Variants in FOCAD observed in about 807,000 individuals in gnomAD.
The protein encoded by FOCAD is KIAA1797.
In FOCAD, 198 loss-of-function variants were observed where a neutral mutation model predicts 225.6. That is an observed-to-expected ratio of 0.88 (90% CI 0.78 to 0.99). The LOEUF is 0.99. FOCAD is among the 50% of genes least tolerant of loss of function. The pLI, the probability that FOCAD is intolerant of heterozygous loss-of-function variation, is 0.00. For synonymous variants in FOCAD, 897 were observed against 755.0 expected, an observed-to-expected ratio of 1.19 and a Z score of -3.08; for missense variants, 2,713 against 2,123.6, an observed-to-expected ratio of 1.28 and a Z score of -5.46.
intron 15 of FOCAD, among the ~76,000 whole-genome samples, chr9:20,848,172 C>G (rs953086647): frequency 2.1e-5 from 2 of 93,768 alleles, no homozygotes; most frequent in Admixed American, 2.3e-4. Context: ...ACAGGAGAAA[C>G]AGTCTGTATG....
intron 11 of FOCAD, among the ~76,000 whole-genome samples, chr9:20,810,646 T>C (rs1478601558): frequency 6.6e-6 from 1 of 152,148 alleles, no homozygotes; most frequent in East Asian, 1.9e-4. Flanking sequence ...GGTAGTTACA[T>C]ATTGGTAATG....
intron 18 of FOCAD, among the ~76,000 whole-genome samples, chr9:20,867,752 G>C (rs867990453): frequency 6.6e-6 from 1 of 152,062 alleles, no homozygotes; most frequent in Non-Finnish European, 1.5e-5. Context: ...AGCAGACATT[G>C]TGTTAGATGA....
intron 28 of FOCAD, among the ~76,000 whole-genome samples, chr9:20,940,623 C>T (rs747814989): frequency 6.6e-6 from 1 of 152,172 alleles, no homozygotes; most frequent in Non-Finnish European, 1.5e-5. Flanking sequence ...CTGATACTTA[C>T]TGAGCAGCTG....
chr9:20,941,962 A>G (rs1836699988), intron 28 of FOCAD, among the ~76,000 whole-genome samples: 1 of 152,238 alleles, frequency 6.6e-6, no homozygotes, highest in Admixed American at 6.5e-5. Context: ...ACTTAGAACA[A>G]GAATAAACAC....
chr9:20,761,772 C>T (rs1477487015), intron 6 of FOCAD, among the ~76,000 whole-genome samples: 2 of 152,084 alleles, frequency 1.3e-5, no homozygotes, highest in African/African-American at 4.8e-5. Flanking sequence ...TAGTACTTCT[C>T]CCTCTGTGGT....
chr9:20,740,474 C>T (rs966780024), intron 5 of FOCAD, 134 bp downstream of exon 5: 15 of 519,772 alleles, frequency 2.9e-5, no homozygotes, highest in African/African-American at 2.5e-4. Flanking sequence ...GGGTGTTGAC[C>T]TCTCAGGAAG....
At position 20,715,375 on chromosome 9, in the gene FOCAD, A is replaced by G; in HGVS notation, c.22A>G (p.Arg8Gly). MSDDIRKRFEFPNSLIQS... is the reference protein window; with the variant it reads MSDDIRKGFEFPNSLIQS... ...AAAAATGTCAGATGATATCAGGAAA[A>G]GGTTTGAATTTCCAAATTCTCTTAT... Residue 8 changes from arginine to glycine, a missense_variant, in exon 2 of 44, where the codon AGG becomes GGG. Coordinates refer to ENST00000338382, the MANE Select transcript of FOCAD (RefSeq NM_001375567.1). 1 of 1,525,766 alleles carries G rather than the reference A, an allele frequency of 6.6e-7. No individual in the cohort carries two copies. The highest frequency in any genetic ancestry group is 8.8e-7 in the Non-Finnish European group (1 of 1,130,150). The allele number at this position is 1,525,766 out of a possible 1,614,324, so 94.5% of individuals were successfully genotyped here.
chr9:20,885,190 G>A lies in FOCAD; in HGVS notation c.2585G>A (p.Gly862Glu). The A allele has an allele frequency of 6.5e-7, 1 of 1,542,376 alleles. No homozygotes were observed. Among genetic ancestry groups the A allele is most frequent in the African/African-American group, 1.4e-5 (1 of 72,510 alleles). ...TTGAACAGACTGATGGCCAGCAGAG[G>A]GCGAAGTTTCAAGCAGACTTCACTT... Reference protein sequence around the residue: ...KPLNRLMASRGRSFKQTSLAL... With the variant: ...KPLNRLMASRERSFKQTSLAL... The change falls in exon 21 of 44, where the codon GGG becomes GAG. Residue 862 changes from glycine (G) to glutamate (E), a missense_variant. Transcript: ENST00000338382.
chr9:20,803,568 A>T (rs958985834), intron 11 of FOCAD, among the ~76,000 whole-genome samples: 2 of 152,066 alleles, frequency 1.3e-5, no homozygotes, highest in African/African-American at 2.4e-5. Context: ...TGGGCAAGAG[A>T]ACTCTAGGGG....
chr9:20,659,232 C>T (rs530601651), intron 2 of FOCAD, among the ~76,000 whole-genome samples: 1 of 141,318 alleles, frequency 7.1e-6, no homozygotes, highest in East Asian at 2.3e-4. Flanking sequence ...TCCCCCCGCC[C>T]CACACAAAAA....
At chr9:20,852,607 AT>A (rs1260189502) in intron 15 of FOCAD, among the ~76,000 whole-genome samples, 1 of 151,842 alleles carries the variant, frequency 6.6e-6, no homozygotes, top group Non-Finnish European at 1.5e-5. Flanking sequence ...CTCAAGAGGT[AT>A]TCCTAAAAAC....
chr9:20,923,795 G>C, intron 25 of FOCAD, 27 bp downstream of exon 25: 2 of 1,557,180 alleles, frequency 1.3e-6, no homozygotes, highest in South Asian at 2.3e-5. Context: ...TAAACAATTG[G>C]CTTTGATTAT....
chr9:20,899,188 C>T (rs1832358106), intron 21 of FOCAD, among the ~76,000 whole-genome samples: 1 of 151,806 alleles, frequency 6.6e-6, no homozygotes, highest in South Asian at 2.1e-4. Flanking sequence ...AGTGTTTTTC[C>T]CCTCTCCCTG....
chr9:20,978,517 T>G, intron 37 of FOCAD, 63 bp downstream of exon 37: 1 of 1,125,154 alleles, frequency 8.9e-7, no homozygotes, highest in Non-Finnish European at 1.3e-6. Flanking sequence ...GATATTAACA[T>G]TCATTTGGGT....
Position 20,661,565 on chromosome 9 carries a change from T to C in FOCAD, c.-78+2739T>C, listed in dbSNP as rs558483183. Among the ~76,000 whole-genome samples the C allele has an allele frequency of 5.3e-5, 8 of 152,344 alleles. No individual in the cohort carries two copies. The East Asian group carries it at 1.5e-3, about 29-fold the overall frequency. On this transcript the variant is annotated intron_variant, in intron 2 of 45. Transcript: ENST00000380249. ...AAAGTCTAAGAGGGAACTGTTAAAC[T>C]GAGATATTCTCAGTGTCCTTCTTTT...
intron 4 of FOCAD, among the ~76,000 whole-genome samples, chr9:20,723,306 G>A (rs1049729589): frequency 2.0e-5 from 3 of 152,154 alleles, no homozygotes; most frequent in African/African-American, 4.8e-5. Context: ...TGGCCAACAT[G>A]GTGAAACCCT....
intron 1 of FOCAD, among the ~76,000 whole-genome samples, chr9:20,699,828 A>G (rs1353582608): frequency 3.2e-5 from 4 of 126,948 alleles, no homozygotes; most frequent in African/African-American, 9.0e-5. Context: ...AGAGCTACAT[A>G]TTACATCTTA....
At chr9:20,962,582 G>GT (rs1838850237) in intron 35 of FOCAD, among the ~76,000 whole-genome samples, 1 of 152,118 alleles carries the variant, frequency 6.6e-6, no homozygotes, top group African/African-American at 2.4e-5. Flanking sequence ...TAGTCTACTT[G>GT]TTGCCAGACT....
intron 28 of FOCAD, among the ~76,000 whole-genome samples, chr9:20,938,688 C>T (rs1482807459): frequency 6.6e-6 from 1 of 151,790 alleles, no homozygotes; most frequent in East Asian, 1.9e-4. Flanking sequence ...ATGTAGCTAA[C>T]CTGCACATTG....
Sources: allele counts gnomAD v4.1 joint callset (sites outside exome capture counted in the v4.1 genomes callset), GRCh38; gene constraint gnomAD v4.1.1; transcripts MANE v1.5; gene names NCBI Gene and HGNC (gene_info 2026-07-23, HGNC 2026-07-21).